FCHSD2: variants seen among roughly 807,000 people sequenced by gnomAD.
FCHSD2 encodes FCH and double SH3 domains 2, also known as F-BAR and double SH3 domains protein 2.
A neutral mutation model predicts 108.1 loss-of-function variants in FCHSD2; 38 were observed. The ratio of observed to expected loss-of-function variants is 0.35; its 90% CI spans 0.27 to 0.46. FCHSD2 has a LOEUF of 0.46. Among genes scored for constraint, FCHSD2 ranks in the 20% least tolerant of loss-of-function variants. The pLI is 1.00. For synonymous variants in FCHSD2, 279 were observed against 314.7 expected (o/e 0.89, Z 1.20); for missense variants, 751 against 897.8 (o/e 0.84, Z 2.09).
At chr11:73,090,461 G>A (rs1402454389) in intron 2 of FCHSD2, among the ~76,000 whole-genome samples, 2 of 152,018 alleles carry the variant, frequency 1.3e-5, no homozygotes, top group Non-Finnish European at 2.9e-5. Context: ...TGCTGACCTC[G>A]TGATCCGCCC....
chr11:72,977,236 T>C (rs567119080), intron 8 of FCHSD2, among the ~76,000 whole-genome samples: 1 of 152,254 alleles, frequency 6.6e-6, no homozygotes, highest in Admixed American at 6.5e-5. Flanking sequence ...ACTATTAAAA[T>C]AAAGCATTGG....
At position 72,984,087 on chromosome 11, in the gene FCHSD2, C is replaced by T. The variant is rs1439897654; in HGVS notation, c.705+1G>A. On this transcript the variant is annotated splice_donor_variant, in intron 8 of 19. Coordinates refer to ENST00000409418, the MANE Select transcript of FCHSD2 (RefSeq NM_014824.3). LOFTEE classifies it high-confidence loss of function. Reference sequence around the variant, plus strand: ...TACCATAGATATGAAAGCTGTATTACCTTCATAATGTTAACTAAATCTGTT... The same window carrying T: ...TACCATAGATATGAAAGCTGTATTATCTTCATAATGTTAACTAAATCTGTT... 1 of 1,609,720 alleles carries T rather than the reference C, an allele frequency of 6.2e-7. No homozygotes were observed.
At chr11:73,045,154 A>G (rs552211340) in intron 3 of FCHSD2, among the ~76,000 whole-genome samples, 54 of 152,238 alleles carry the variant, frequency 3.5e-4, no homozygotes, top group African/African-American at 1.2e-3. Flanking sequence ...GCAGCCAAAA[A>G]ACACATGAAA....
chr11:73,061,166 C>A (rs1003407932), intron 3 of FCHSD2, among the ~76,000 whole-genome samples: 1 of 152,144 alleles, frequency 6.6e-6, no homozygotes, highest in Non-Finnish European at 1.5e-5. Context: ...GGAAGGCGAG[C>A]CGAAGCAGGG....
chr11:72,930,870 T>C (rs570518971), intron 8 of FCHSD2, among the ~76,000 whole-genome samples: 4 of 152,214 alleles, frequency 2.6e-5, no homozygotes, highest in Admixed American at 2.6e-4. Flanking sequence ...AGACCTACTA[T>C]TTGATAGCAC....
intron 3 of FCHSD2, among the ~76,000 whole-genome samples, chr11:73,040,525 A>C (rs1024457839): frequency 1.3e-5 from 2 of 152,204 alleles, no homozygotes; most frequent in African/African-American, 2.4e-5. Flanking sequence ...TATCAAGTCC[A>C]TTCTGTTGGT....
intron 3 of FCHSD2, among the ~76,000 whole-genome samples, chr11:73,061,200 G>A (rs2135487925): frequency 6.6e-6 from 1 of 152,318 alleles, no homozygotes; most frequent in Non-Finnish European, 1.5e-5. Context: ...CACCTGGGAA[G>A]CACAAAGGGT....
At chr11:73,071,339 C>T (rs1859430695) in intron 3 of FCHSD2, among the ~76,000 whole-genome samples, 1 of 152,058 alleles carries the variant, frequency 6.6e-6, no homozygotes, top group African/African-American at 2.4e-5. Context: ...TGATTTCCAA[C>T]CCCACCACCA....
At chr11:72,900,969 T>C (rs1855514099) in intron 10 of FCHSD2, among the ~76,000 whole-genome samples, 2 of 152,254 alleles carry the variant, frequency 1.3e-5, no homozygotes, top group Admixed American at 1.3e-4. Flanking sequence ...ATGCGTGCCT[T>C]CTCATTTTGC....
At chr11:73,004,831 C>T (rs1259574445) in intron 4 of FCHSD2, among the ~76,000 whole-genome samples, 8 of 152,158 alleles carry the variant, frequency 5.3e-5, no homozygotes, top group African/African-American at 1.9e-4. Flanking sequence ...ATCCATTCTT[C>T]ACCCACCCTT....
At chr11:72,970,819 T>C (rs1328149248) in intron 8 of FCHSD2, among the ~76,000 whole-genome samples, 1 of 152,156 alleles carries the variant, frequency 6.6e-6, no homozygotes, top group Non-Finnish European at 1.5e-5. Flanking sequence ...GTATACAAAA[T>C]GGGACAAAAC....
chr11:73,035,148 T>G (rs117023160), intron 3 of FCHSD2, among the ~76,000 whole-genome samples: 2,586 of 140,478 alleles, frequency 0.018, 45 homozygotes, highest in Non-Finnish European at 0.024. Flanking sequence ...TAGTTTTTAT[T>G]TTTATGTATG....
chr11:72,910,235 T>C (rs1466325684), intron 9 of FCHSD2, among the ~76,000 whole-genome samples: 1 of 123,406 alleles, frequency 8.1e-6, no homozygotes, highest in African/African-American at 3.1e-5. Flanking sequence ...TCATCTGGGA[T>C]GTGAGGAGAG....
chr11:72,865,352 CTTTA>C (rs1244458115), intron 13 of FCHSD2, among the ~76,000 whole-genome samples: 1 of 152,098 alleles, frequency 6.6e-6, no homozygotes, highest in Non-Finnish European at 1.5e-5. Context: ...TATGTCTCTC[CTTTA>C]TTTATATTAT....
intron 3 of FCHSD2, among the ~76,000 whole-genome samples, chr11:73,055,335 CCT>C (rs930972917): frequency 2.8e-5 from 3 of 106,452 alleles, no homozygotes; most frequent in Non-Finnish European, 4.3e-5. Context: ...AGAGTGAGAC[CCT>C]GTCTCGAAAA....
intron 3 of FCHSD2, among the ~76,000 whole-genome samples, chr11:73,019,049 T>G (rs979885108): frequency 1.3e-5 from 2 of 152,146 alleles, no homozygotes; most frequent in African/African-American, 4.8e-5. Flanking sequence ...TGGCAAAATG[T>G]GATATAAGTA....
chr11:73,136,265 T>A (rs1019321928), intron 2 of FCHSD2, among the ~76,000 whole-genome samples: 4 of 152,198 alleles, frequency 2.6e-5, no homozygotes, highest in African/African-American at 9.6e-5. Context: ...CTGTAGATTT[T>A]TTTTTAACTT....
chr11:72,951,760 A>C (rs1169004667), intron 8 of FCHSD2, among the ~76,000 whole-genome samples: 1 of 152,034 alleles, frequency 6.6e-6, no homozygotes, highest in Non-Finnish European at 1.5e-5. Context: ...AAAATCTGTT[A>C]TTTTCCCATT....
intron 2 of FCHSD2, among the ~76,000 whole-genome samples, chr11:73,137,832 G>A (rs973589401): frequency 9.2e-5 from 14 of 152,222 alleles, no homozygotes; most frequent in African/African-American, 1.9e-4. Context: ...GGATGCATGG[G>A]CATGAAACGG....
Sources: allele counts gnomAD v4.1 joint callset (sites outside exome capture counted in the v4.1 genomes callset), GRCh38; gene constraint gnomAD v4.1.1; transcripts MANE v1.5; gene names NCBI Gene and HGNC (gene_info 2026-07-23, HGNC 2026-07-21).